The following THRB variants were observed in gnomAD, a reference collection of about 807,000 sequenced individuals.
The protein encoded by THRB is nuclear receptor subfamily 1 group A member 2.
Under a neutral mutation model 47.8 loss-of-function variants are expected in THRB, and 12 were observed. That is an observed-to-expected ratio of 0.25 (90% CI 0.16 to 0.41). The LOEUF is 0.41. Ranked by LOEUF, THRB falls within the 10% of genes least tolerant of loss-of-function variation. THRB has a pLI of 1.00. For synonymous variants in THRB, 218 were observed against 212.2 expected (o/e 1.03, Z -0.24); for missense variants, 348 against 589.2 (o/e 0.59, Z 4.24).
intron 1 of THRB, among the ~76,000 whole-genome samples, chr3:24,360,180 A>G (rs1340379020): frequency 6.6e-6 from 1 of 152,122 alleles, no homozygotes; most frequent in African/African-American, 2.4e-5. Context: ...GGTGCTTTAC[A>G]CATGTTTATT....
Position 24,188,858 on chromosome 3 carries a change from AAT to A in THRB, c.283+1214_283+1215del, listed in dbSNP as rs34740399. ...CCTTTCAATTTCTCAGATCTCCTCA[AAT>A]ATATATATATATATATATATATATG... On this transcript the variant is annotated intron_variant, in intron 5 of 10. Transcript: ENST00000646209. Among the ~76,000 whole-genome samples the A allele has an allele frequency of 5.5e-3, 516 of 94,214 alleles. 33 individuals carry two copies. Among genetic ancestry groups the A allele is most frequent in the African/African-American group, 0.017 (268 of 16,240 alleles). 61.8% of individuals were successfully genotyped at this position (94,214 alleles called of 152,430 possible). A position where few individuals can be genotyped will look rare whatever the true frequency, so the allele number is the denominator to read the frequency against.
chr3:24,281,311 C>A (rs1310926413), intron 3 of THRB, among the ~76,000 whole-genome samples: 7 of 150,906 alleles, frequency 4.6e-5, no homozygotes, highest in Non-Finnish European at 7.4e-5. Context: ...GAATTTTCAA[C>A]CCAGAATTTC....
chr3:24,446,172 T>C (rs1470250940), intron 1 of THRB, among the ~76,000 whole-genome samples: 1 of 152,232 alleles, frequency 6.6e-6, no homozygotes, highest in African/African-American at 2.4e-5. Context: ...GACACACTGG[T>C]CATGACCTTC....
At chr3:24,468,060 G>T (rs1577797700) in intron 1 of THRB, among the ~76,000 whole-genome samples, 1 of 152,156 alleles carries the variant, frequency 6.6e-6, no homozygotes, top group Non-Finnish European at 1.5e-5. Flanking sequence ...TTTCCACATA[G>T]GCACTGGTGC....
At position 24,292,509 on chromosome 3, in the gene THRB, G is replaced by A. The variant is rs182665817; in HGVS notation, c.-43+4717C>T. Reference sequence around the variant, plus strand: ...CCCCAAAGTGTGCTGTGCTGGTGCCGTCCTCTAAGCTCCCTGTCCTCTCCA... The same window carrying A: ...CCCCAAAGTGTGCTGTGCTGGTGCCATCCTCTAAGCTCCCTGTCCTCTCCA... On this transcript the variant is annotated intron_variant, in intron 3 of 10. Coordinates refer to ENST00000646209, the MANE Select transcript of THRB (RefSeq NM_001354712.2). Among the ~76,000 whole-genome samples the A allele has an allele frequency of 4.4e-4, 67 of 152,194 alleles. No homozygotes were observed. In the East Asian group the frequency reaches 7.9e-3, roughly 18 times the overall value.
intron 4 of THRB, among the ~76,000 whole-genome samples, chr3:24,196,598 C>A (rs1026645485): frequency 2.6e-5 from 4 of 151,598 alleles, no homozygotes; most frequent in Non-Finnish European, 4.4e-5. Flanking sequence ...CCCCCCACCC[C>A]AAAAAAAAGA....
rs956691593 is a variant in THRB, at chr3:24,426,757, G to A, written c.-261+67895C>T. Among the ~76,000 whole-genome samples, 6 of 152,002 alleles carry A rather than the reference G, an allele frequency of 3.9e-5. No homozygotes were observed. The East Asian group carries it at 1.2e-3, about 30-fold the overall frequency. On this transcript the variant is annotated intron_variant, in intron 1 of 10. Coordinates refer to ENST00000646209, the MANE Select transcript of THRB (RefSeq NM_001354712.2). ...ACACTTAATATGAATCATAATTAAT[G>A]CAAAAGATAATTAAAAGAATCTCTC...
At chr3:24,471,250 G>T (rs1457932988) in intron 1 of THRB, among the ~76,000 whole-genome samples, 1 of 152,176 alleles carries the variant, frequency 6.6e-6, no homozygotes, top group East Asian at 1.9e-4. Context: ...AAATTCTCCA[G>T]TTCCACCCTA....
chr3:24,322,623 C>T (rs1694675546), intron 2 of THRB, among the ~76,000 whole-genome samples: 1 of 152,216 alleles, frequency 6.6e-6, no homozygotes, highest in Non-Finnish European at 1.5e-5. Context: ...CATTTCCTTT[C>T]TGAACTGAAA....
At chr3:24,325,630 T>C (rs569722387) in intron 2 of THRB, among the ~76,000 whole-genome samples, 293 of 152,262 alleles carry the variant, frequency 1.9e-3, no homozygotes, top group African/African-American at 6.8e-3. Context: ...GAGGTTGCAG[T>C]GAATTGAGAT....
At chr3:24,427,279 C>T (rs962859134) in intron 1 of THRB, among the ~76,000 whole-genome samples, 1 of 152,016 alleles carries the variant, frequency 6.6e-6, no homozygotes. Flanking sequence ...TTAATGAACA[C>T]AATCTGGTTC....
chr3:24,214,348 A>G (rs1248723246), intron 4 of THRB, among the ~76,000 whole-genome samples: 1 of 152,218 alleles, frequency 6.6e-6, no homozygotes, highest in Non-Finnish European at 1.5e-5. Context: ...ACTATTCTGC[A>G]TTTAAGGTAA....
intron 5 of THRB, among the ~76,000 whole-genome samples, chr3:24,186,718 G>A (rs1281360469): frequency 3.9e-5 from 6 of 152,052 alleles, no homozygotes; most frequent in Non-Finnish European, 7.4e-5. Context: ...GGCTGAGGTG[G>A]GTGGATCACC....
chr3:24,129,357 A>G (rs1460254677), intron 9 of THRB, among the ~76,000 whole-genome samples: 6 of 152,242 alleles, frequency 3.9e-5, no homozygotes, highest in African/African-American at 1.4e-4. Context: ...CCACTAGCAT[A>G]GAACAGCAAC....
chr3:24,264,357 A>G (rs189214831), intron 3 of THRB, among the ~76,000 whole-genome samples: 97 of 152,248 alleles, frequency 6.4e-4, no homozygotes, highest in African/African-American at 2.1e-3. Flanking sequence ...TGGTGCTTAA[A>G]AAAATAACTG....
In THRB at chr3:24,450,887, A is replaced by G. The variant is rs149964168; in HGVS notation, c.-261+43765T>C. Among the ~76,000 whole-genome samples the G allele has an allele frequency of 2.0e-5, 3 of 152,280 alleles. No individual in the cohort carries two copies. The East Asian group carries it at 5.8e-4, about 29-fold the overall frequency. On this transcript the variant is annotated intron_variant, in intron 1 of 10. Transcript: ENST00000646209. Reference sequence around the variant, plus strand: ...ATGCAGCTCTTTCTCCTTCCTTGCTATTGTTTCAGAATCCTTCATAAATGT... The same window carrying G: ...ATGCAGCTCTTTCTCCTTCCTTGCTGTTGTTTCAGAATCCTTCATAAATGT...
chr3:24,260,145 C>A (rs1214987505), intron 3 of THRB, among the ~76,000 whole-genome samples: 1 of 152,154 alleles, frequency 6.6e-6, no homozygotes, highest in South Asian at 2.1e-4. Flanking sequence ...ATATTGTGGT[C>A]TTTTGTGTCT....
At chr3:24,264,314 G>A (rs2052407761) in intron 3 of THRB, among the ~76,000 whole-genome samples, 1 of 152,114 alleles carries the variant, frequency 6.6e-6, no homozygotes, top group Non-Finnish European at 1.5e-5. Context: ...ACAATAATTA[G>A]GGTCAGAGTT....
intron 1 of THRB, among the ~76,000 whole-genome samples, chr3:24,482,533 GTCTCCCTCTC>G (rs1381635389): frequency 1.9e-5 from 2 of 105,218 alleles, no homozygotes; most frequent in African/African-American, 8.2e-5. Flanking sequence ...CTTTCTTTCT[GTCTCCCTCTC>G]TCTCTCTCTC....
Sources: gnomAD v4.1 joint callset for allele counts (sites outside exome capture counted in the v4.1 genomes callset) on GRCh38, gnomAD v4.1.1 for gene constraint, MANE v1.5 for transcripts, NCBI Gene and HGNC (gene_info 2026-07-23, HGNC 2026-07-21) for gene names.